Variants in SLC8A1 observed in about 807,000 individuals in gnomAD.
SLC8A1 encodes the protein sodium/calcium exchanger 1.
SLC8A1 carries 18 observed loss-of-function variants against 68.3 expected under a neutral mutation model. That is an observed-to-expected ratio of 0.26 (90% CI 0.18 to 0.39). SLC8A1 has a LOEUF of 0.39. Among genes scored for constraint, SLC8A1 ranks in the 10% least tolerant of loss-of-function variants. The pLI is 1.00. For missense variants in SLC8A1, 985 were observed against 1,156.7 expected, an observed-to-expected ratio of 0.85 and a Z score of 2.15; for synonymous variants, 475 against 415.5, an observed-to-expected ratio of 1.14 and a Z score of -1.74.
chr2:40,166,360 T>C (rs1253612723), intron 4 of SLC8A1, among the ~76,000 whole-genome samples: 1 of 152,208 alleles, frequency 6.6e-6, no homozygotes, highest in Non-Finnish European at 1.5e-5. Flanking sequence ...AAAAGCAGAA[T>C]GTAGCATATT....
At chr2:40,306,144 G>A (rs930734257) in intron 2 of SLC8A1, among the ~76,000 whole-genome samples, 1 of 152,206 alleles carries the variant, frequency 6.6e-6, no homozygotes, top group Non-Finnish European at 1.5e-5. Context: ...CCAGTAAGCA[G>A]ATAAGCTTGG....
exon 8 of SLC8A1, chr2:40,108,936 T>C (rs2125047010): frequency 6.6e-6 from 1 of 152,292 alleles, no homozygotes; most frequent in South Asian, 2.1e-4. Context: ...AGGTTGGGAA[T>C]GTAAGGAAAT....
intron 7 of SLC8A1, chr2:40,118,400 T>C (rs138470448): frequency 1.0e-3 from 155 of 152,232 alleles, no homozygotes; most frequent in African/African-American, 3.4e-3. Context: ...AGAACAAAGA[T>C]TGAAGAAGGT....
At position 40,163,632 on chromosome 2, in the gene SLC8A1, G is replaced by A. The variant is rs989564598; in HGVS notation, c.2061+1222C>T. The stretch of plus-strand genomic sequence containing the variant: ...AAGCCAAGTTCTGTGTCATACAATG[G>A]GGGTCTAATGATCGGGGTCTGCCTA... On this transcript the variant is annotated intron_variant, in intron 5 of 7. Coordinates refer to ENST00000406785, the Ensembl canonical transcript of SLC8A1. Among the ~76,000 whole-genome samples, 3 of 152,144 alleles carry A rather than the reference G, an allele frequency of 2.0e-5. No homozygotes were observed. The East Asian group carries it at 5.8e-4, about 29-fold the overall frequency.
At chr2:40,324,626 G>A (rs1196713490) in intron 2 of SLC8A1, among the ~76,000 whole-genome samples, 1 of 151,998 alleles carries the variant, frequency 6.6e-6, no homozygotes, top group Non-Finnish European at 1.5e-5. Context: ...CATCCACTGG[G>A]GAGAATTAAG....
chr2:40,215,856 C>T (rs1466485046), intron 2 of SLC8A1, among the ~76,000 whole-genome samples: 1 of 151,828 alleles, frequency 6.6e-6, no homozygotes, highest in African/African-American at 2.4e-5. Flanking sequence ...AAATCTATTC[C>T]AATCATTCCA....
intron 2 of SLC8A1, among the ~76,000 whole-genome samples, chr2:40,396,862 T>C (rs1296645108): frequency 6.6e-6 from 1 of 151,698 alleles, no homozygotes; most frequent in Admixed American, 6.6e-5. Flanking sequence ...TGACCTGACT[T>C]TTTGGGTTGG....
intron 2 of SLC8A1, among the ~76,000 whole-genome samples, chr2:40,267,870 G>A (rs1410966895): frequency 6.6e-6 from 1 of 152,132 alleles, no homozygotes; most frequent in Non-Finnish European, 1.5e-5. Context: ...GACAGTCAGG[G>A]CCCCTCCCAC....
At chr2:40,099,572 G>T (rs2033776609) in exon 8 of SLC8A1, 2 of 151,968 alleles carry the variant, frequency 1.3e-5, no homozygotes, top group Non-Finnish European at 2.9e-5. Flanking sequence ...GTCTTTGAAG[G>T]TCATTTGTGA....
Position 40,250,000 on chromosome 2 carries a change from C to T in SLC8A1, c.1809-72145G>A, listed in dbSNP as rs560209194. Among the ~76,000 whole-genome samples the T allele has an allele frequency of 3.0e-4, 45 of 152,148 alleles. 1 individual carries two copies. The South Asian group carries it at 4.6e-3, about 15-fold the overall frequency. On this transcript the variant is annotated intron_variant, in intron 2 of 7. Coordinates refer to ENST00000406785, the Ensembl canonical transcript of SLC8A1. ...GTCTAGGTCTATACTCAAAACCTTC[C>T]GGGTGTATGTATGTGTGAGATATTT...
chr2:40,169,711 C>T (rs1283600547), intron 4 of SLC8A1, among the ~76,000 whole-genome samples: 1 of 152,064 alleles, frequency 6.6e-6, no homozygotes, highest in Non-Finnish European at 1.5e-5. Flanking sequence ...GAGGCAGAGG[C>T]GGGTGGACTG....
At chr2:40,302,027 TAATCTGTGTGTGTGTGTG>T (rs1185553815) in intron 2 of SLC8A1, among the ~76,000 whole-genome samples, 7 of 103,204 alleles carry the variant, frequency 6.8e-5, no homozygotes, top group African/African-American at 2.5e-4. Context: ...CACACCGGGC[TAATCTGTGTGTGTGTGTG>T]TGTGTGTGTG....
At chr2:40,401,127 A>C (rs1313604389) in intron 2 of SLC8A1, among the ~76,000 whole-genome samples, 1 of 152,192 alleles carries the variant, frequency 6.6e-6, no homozygotes, top group East Asian at 1.9e-4. Context: ...ATAAGGGAAA[A>C]ACCTGATTGC....
intron 2 of SLC8A1, among the ~76,000 whole-genome samples, chr2:40,417,348 T>C (rs892153304): frequency 2.6e-5 from 4 of 152,084 alleles, no homozygotes; most frequent in Admixed American, 6.6e-5. Context: ...TTTGGGAAGG[T>C]TGGCCCAGGA....
intron 2 of SLC8A1, among the ~76,000 whole-genome samples, chr2:40,303,989 G>C (rs1314228763): frequency 1.3e-5 from 2 of 152,202 alleles, no homozygotes; most frequent in Non-Finnish European, 2.9e-5. Context: ...CAGGCACCCG[G>C]ATCAACAAGA....
chr2:40,345,443 C>T (rs1302947630), intron 2 of SLC8A1, among the ~76,000 whole-genome samples: 1 of 151,926 alleles, frequency 6.6e-6, no homozygotes, highest in Non-Finnish European at 1.5e-5. Flanking sequence ...AGCAACAAAG[C>T]TCAAGAAGAT....
intron 3 of SLC8A1, among the ~76,000 whole-genome samples, chr2:40,176,676 A>G (rs1397630011): frequency 6.6e-6 from 1 of 152,160 alleles, no homozygotes; most frequent in East Asian, 1.9e-4. Context: ...ACGTGGGATA[A>G]ATTTTCCTAT....
intron 1 of SLC8A1, among the ~76,000 whole-genome samples, chr2:40,444,379 C>T (rs1164136580): frequency 6.6e-6 from 1 of 152,072 alleles, no homozygotes; most frequent in Non-Finnish European, 1.5e-5. Flanking sequence ...TCCCTAGCCC[C>T]CACCTTTCCC....
At chr2:40,416,217 G>C (rs1693832998) in intron 2 of SLC8A1, among the ~76,000 whole-genome samples, 1 of 151,986 alleles carries the variant, frequency 6.6e-6, no homozygotes, top group Non-Finnish European at 1.5e-5. Context: ...TGGACAATAA[G>C]TTATATTGTT....
Sources: gnomAD v4.1 joint callset for allele counts (sites outside exome capture counted in the v4.1 genomes callset) on GRCh38, gnomAD v4.1.1 for gene constraint, MANE v1.5 for transcripts, NCBI Gene and HGNC (gene_info 2026-07-23, HGNC 2026-07-21) for gene names.